The following ADAM23 variants were observed in gnomAD, a reference collection of about 807,000 sequenced individuals.
ADAM23 encodes ADAM metallopeptidase domain 23.
In ADAM23, 33 loss-of-function variants were observed where a neutral mutation model predicts 120.1. The ratio of observed to expected loss-of-function variants is 0.27; its 90% CI spans 0.21 to 0.37. The LOEUF (loss-of-function observed/expected upper bound fraction) is 0.37. Ranked by LOEUF, ADAM23 falls within the 10% of genes least tolerant of loss-of-function variation. ADAM23 has a pLI of 1.00. For missense variants in ADAM23, 862 were observed against 1,058.2 expected (o/e 0.81, Z 2.57); for synonymous variants, 367 against 375.2 (o/e 0.98, Z 0.25).
intron 24 of ADAM23, among the ~76,000 whole-genome samples, chr2:206,598,342 G>C (rs531809497): frequency 6.6e-6 from 1 of 151,874 alleles, no homozygotes; most frequent in Non-Finnish European, 1.5e-5. Context: ...TTAATTGTCT[G>C]GTTCTGTAAT....
At chr2:206,540,182 A>AAAAAG (rs368988371) in intron 4 of ADAM23, among the ~76,000 whole-genome samples, 9 of 150,030 alleles carry the variant, frequency 6.0e-5, no homozygotes, top group South Asian at 2.1e-4. Context: ...ACTGTCTTTA[A>AAAAAG]AAAAGAAAAG....
intron 5 of ADAM23, 107 bp from the exon 6 acceptor site, chr2:206,543,146 C>T: frequency 1.1e-6 from 1 of 944,824 alleles, no homozygotes; most frequent in Non-Finnish European, 1.7e-6. Context: ...GGGATTTGTT[C>T]AGTTATACTC....
At chr2:206,562,099 C>T in intron 12 of ADAM23, 104 bp from the exon 13 acceptor site, 1 of 917,840 alleles carries the variant, frequency 1.1e-6, no homozygotes, top group Non-Finnish European at 1.7e-6. Flanking sequence ...CTGACAGGCT[C>T]TACTTAGGGA....
In ADAM23 at chr2:206,491,373, G is replaced by A. The variant is rs116472867; in HGVS notation, c.509+10065G>A. Reference sequence around the variant, plus strand: ...AAAGTATGGCAACTAAGAATTTGTAGCAAAATCAAAAGAATTTAATTGTTG... The same window carrying A: ...AAAGTATGGCAACTAAGAATTTGTAACAAAATCAAAAGAATTTAATTGTTG... On this transcript the variant is annotated intron_variant, in intron 3 of 25. Coordinates refer to ENST00000264377, the MANE Select transcript of ADAM23 (RefSeq NM_003812.4). Among the ~76,000 whole-genome samples the A allele has an allele frequency of 5.4e-3, 828 of 152,212 alleles. 15 individuals carry two copies. Among genetic ancestry groups the A allele is most frequent in the African/African-American group, 0.019 (800 of 41,538 alleles).
chr2:206,540,384 T>G (rs182032450), intron 4 of ADAM23, among the ~76,000 whole-genome samples: 16 of 152,244 alleles, frequency 1.1e-4, no homozygotes, highest in African/African-American at 3.4e-4. Context: ...ATATGTGGTT[T>G]CCACAGGGCC....
chr2:206,559,442 C>G (rs559450003), intron 10 of ADAM23, among the ~76,000 whole-genome samples: 1 of 152,216 alleles, frequency 6.6e-6, no homozygotes, highest in Admixed American at 6.5e-5. Flanking sequence ...GCCTCAGATC[C>G]TTGAGTCTCT....
chr2:206,516,735 C>G (rs887162056), intron 3 of ADAM23, among the ~76,000 whole-genome samples: 2 of 152,074 alleles, frequency 1.3e-5, no homozygotes. Flanking sequence ...AGGGCACAGA[C>G]GTTCACTCTT....
At chr2:206,497,630 A>G (rs1050034124) in intron 3 of ADAM23, among the ~76,000 whole-genome samples, 1 of 152,152 alleles carries the variant, frequency 6.6e-6, no homozygotes, top group Non-Finnish European at 1.5e-5. Flanking sequence ...CCTATTCAAC[A>G]TAGTGTGGGA....
At chr2:206,480,807 A>G (rs1695880904) in intron 2 of ADAM23, among the ~76,000 whole-genome samples, 1 of 152,218 alleles carries the variant, frequency 6.6e-6, no homozygotes, top group South Asian at 2.1e-4. Flanking sequence ...GAACGTTCCA[A>G]GAAAGTTCTA....
intron 4 of ADAM23, among the ~76,000 whole-genome samples, chr2:206,541,457 A>G (rs1574522483): frequency 6.6e-6 from 1 of 152,304 alleles, no homozygotes; most frequent in Non-Finnish European, 1.5e-5. Flanking sequence ...AACATTCAAA[A>G]ATATATAGCC....
At chr2:206,459,116 T>C (rs969001861) in intron 2 of ADAM23, among the ~76,000 whole-genome samples, 2 of 152,224 alleles carry the variant, frequency 1.3e-5, no homozygotes, top group African/African-American at 2.4e-5. Flanking sequence ...TGGTAATTAC[T>C]GTGGACAGCC....
intron 6 of ADAM23, among the ~76,000 whole-genome samples, chr2:206,544,879 A>G (rs1697364052): frequency 1.3e-5 from 2 of 152,148 alleles, no homozygotes; most frequent in South Asian, 4.1e-4. Flanking sequence ...CCAAGAGAAG[A>G]CAAGTGGTGA....
intron 2 of ADAM23, 23 bp from the exon 3 acceptor site, chr2:206,481,209 C>G: frequency 2.5e-6 from 4 of 1,582,842 alleles, no homozygotes; most frequent in Non-Finnish European, 3.4e-6. Context: ...AGTTAAGGTT[C>G]TTCTGTCTTT....
chr2:206,610,113 C>CA (rs1291402013), intron 25 of ADAM23, 113 bp downstream of exon 25: 9 of 889,948 alleles, frequency 1.0e-5, no homozygotes, highest in African/African-American at 5.4e-5. Flanking sequence ...AGTCAAACTG[C>CA]AAAAAATAAG....
intron 10 of ADAM23, among the ~76,000 whole-genome samples, chr2:206,558,945 G>C (rs1418959426): frequency 1.3e-5 from 2 of 152,014 alleles, no homozygotes; most frequent in African/African-American, 4.8e-5. Flanking sequence ...TTGTTTGTTT[G>C]TTTGTTTGTT....
intron 12 of ADAM23, among the ~76,000 whole-genome samples, chr2:206,561,936 T>C (rs908999696): frequency 6.6e-6 from 1 of 152,196 alleles, no homozygotes; most frequent in Non-Finnish European, 1.5e-5. Flanking sequence ...TTGGTATAAG[T>C]TGAATTGGAG....
Position 206,445,475 on chromosome 2 carries a change from C to G in ADAM23, c.383C>G (p.Pro128Arg). ...TACATCAACCAAGACTCGGAAAGCC[C>G]TTATCACGTTCTTGACACAAAGGCA... Reference protein sequence around the residue: ...IYYINQDSESPYHVLDTKARH... With the variant: ...IYYINQDSESRYHVLDTKARH... The change falls in exon 2 of 26, where the codon CCT becomes CGT. Residue 128 changes from proline to arginine, a missense_variant. Physicochemically the swap from Pro to Arg is moderately radical, Grantham distance 103. This residue lies in a region of ADAM23 where 225 missense variants were observed against 204.0 expected (regional missense o/e 1.10). Coordinates refer to ENST00000264377, the MANE Select transcript of ADAM23 (RefSeq NM_003812.4). 2 of 1,614,112 alleles carry G rather than the reference C, an allele frequency of 1.2e-6. No individual in the cohort carries two copies. The highest frequency in any genetic ancestry group is 8.5e-7 in the Non-Finnish European group (1 of 1,180,008).
At chr2:206,460,072 A>T (rs1184861730) in intron 2 of ADAM23, among the ~76,000 whole-genome samples, 2 of 150,642 alleles carry the variant, frequency 1.3e-5, no homozygotes, top group Non-Finnish European at 2.9e-5. Context: ...CTCTTGGCTC[A>T]ACCTCCAGGG....
rs776509677 is a variant in ADAM23 at position 206,481,249 on chromosome 2, G to T, written c.450G>T (p.Gln150His). The T allele has an allele frequency of 1.2e-6, 2 of 1,610,182 alleles. No homozygotes were observed. The highest frequency in any genetic ancestry group is 4.5e-5 in the East Asian group (2 of 44,564). The change falls in exon 3 of 26, where the codon CAG (glutamine) becomes CAT (histidine). Residue 150 changes from glutamine to histidine, a missense_variant. By Grantham distance (24) the Gln-to-His change is conservative (BLOSUM62 0). Coordinates refer to ENST00000264377, the MANE Select transcript of ADAM23 (RefSeq NM_003812.4). ...QKHNKAVHLA[Q>H]ASFQIEAFGS... is the part of the protein sequence containing the mutation. ...ATCCATAGGCTGTCCATCTGGCCCA[G>T]GCAAGCTTCCAGATTGAAGCCTTCG...
Sources: allele counts gnomAD v4.1 joint callset (sites outside exome capture counted in the v4.1 genomes callset), GRCh38; gene constraint gnomAD v4.1.1; regional missense constraint gnomAD v4.1.1; transcripts MANE v1.5; gene names NCBI Gene and HGNC (gene_info 2026-07-23, HGNC 2026-07-21).